Variants in VARS1 observed in about 807,000 individuals in gnomAD.
VARS1 encodes valyl-tRNA synthetase 1.
Under a neutral mutation model 161.0 loss-of-function variants are expected in VARS1, and 92 were observed. The observed-to-expected ratio is 0.57, with a 90% CI of 0.48 to 0.68. The LOEUF is 0.68. VARS1 is among the 30% of genes least tolerant of loss of function. VARS1 has a pLI of 0.00. For synonymous variants in VARS1, 595 were observed against 682.5 expected (o/e 0.87, Z 2.00); for missense variants, 1,338 against 1,695.9 (o/e 0.79, Z 3.71).
At chr6:31,792,633 C>T in intron 4 of VARS1, 117 bp from the exon 5 acceptor site, 1 of 1,590,302 alleles carries the variant, frequency 6.3e-7, no homozygotes, top group Non-Finnish European at 8.6e-7. Flanking sequence ...TGACCTCCCC[C>T]CTCTCCCTCC....
intron 13 of VARS1, among the ~76,000 whole-genome samples, chr6:31,783,751 T>C (rs1330921219): frequency 1.4e-5 from 2 of 148,018 alleles, no homozygotes; most frequent in Non-Finnish European, 3.0e-5. Context: ...AACCTCCGCA[T>C]CCCAGGTTCA....
At position 31,778,301 on chromosome 6, in the gene VARS1, G is replaced by A. The variant is rs1812873821; in HGVS notation, c.3727-639C>T. 1 of 157,636 alleles carries A rather than the reference G, an allele frequency of 6.3e-6. No individual in the cohort carries two copies. Among genetic ancestry groups the A allele is most frequent in the Admixed American group, 6.0e-5 (1 of 16,544 alleles). The allele number at this position is 157,636 out of a possible 1,614,324, so 9.8% of individuals were successfully genotyped here. A position where few individuals can be genotyped will look rare whatever the true frequency, so the allele number is the denominator to read the frequency against. On this transcript the variant is annotated intron_variant, in intron 29 of 29. Transcript: ENST00000375663. The surrounding 1 kb of genome is among the most constrained non-coding windows in gnomAD (Gnocchi z 5.1). Reference sequence around the variant, plus strand: ...AGCTGGGTGGGGTACGAAGGGTCTGGCTGGGAGATAGGATGCCTGGTTCTA... The same window carrying A: ...AGCTGGGTGGGGTACGAAGGGTCTGACTGGGAGATAGGATGCCTGGTTCTA...
In VARS1 at chr6:31,792,968, C is replaced by T. The variant is rs1340865826; in HGVS notation, c.522+18G>A. Reference sequence around the variant, plus strand: ...CTGAGGAGAGCAGTCTTGTTCTTCCCCAGGCCTGGTGACTCACGTATCGGA... The same window carrying T: ...CTGAGGAGAGCAGTCTTGTTCTTCCTCAGGCCTGGTGACTCACGTATCGGA... On this transcript the variant is annotated intron_variant, in intron 3 of 29. Coordinates refer to ENST00000375663, the MANE Select transcript of VARS1 (RefSeq NM_006295.3). 1.9e-6 allele frequency: 3 copies of T among 1,613,870 alleles called. No homozygotes were observed. The highest frequency in any genetic ancestry group is 1.1e-5 in the South Asian group (1 of 91,092).
Position 31,782,309 on chromosome 6 carries a change from C to A in VARS1, c.2126G>T (p.Trp709Leu). Residue 709 changes from tryptophan (W) to leucine (L), a missense_variant, in exon 17 of 30, where the codon TGG (tryptophan) becomes TTG (leucine). Trp to Leu is a moderately conservative substitution (Grantham distance 61). This residue lies in a region of VARS1 where 902 missense variants were observed against 1,090.3 expected (regional missense o/e 0.83). Transcript: ENST00000375663. The surrounding 1 kb of genome is among the most constrained non-coding windows in gnomAD (Gnocchi z 8.3). The part of the protein sequence containing the change: ...RILPEAHQRT[W>L]HAWMDNIREW... ...CCGGATGTTGTCCATCCAGGCATGC[C>A]ATGTGCGCTGATGGGCCTCAGGCAG... 6.2e-7 allele frequency: 1 copy of A among 1,613,022 alleles called. No homozygotes were observed. The highest frequency in any genetic ancestry group is 8.5e-7 in the Non-Finnish European group (1 of 1,179,964).
At chr6:31,786,465 G>A (rs1232741283) in intron 8 of VARS1, among the ~76,000 whole-genome samples, 2 of 151,600 alleles carry the variant, frequency 1.3e-5, no homozygotes, top group Non-Finnish European at 2.9e-5. Flanking sequence ...ACAGGAGTTC[G>A]AGACCAGCCT....
At chr6:31,786,123 G>C (rs1309948950) in intron 8 of VARS1, among the ~76,000 whole-genome samples, 1 of 152,226 alleles carries the variant, frequency 6.6e-6, no homozygotes, top group Non-Finnish European at 1.5e-5. Flanking sequence ...AGCTGGGCGT[G>C]GTGGCATGTG....
At position 31,780,238 on chromosome 6, in the gene VARS1, T is replaced by C. The variant is rs1167715264; in HGVS notation, c.2926-85A>G. The C allele has an allele frequency of 3.2e-6, 5 of 1,577,266 alleles. No homozygotes were observed. Among genetic ancestry groups the C allele is most frequent in the Non-Finnish European group, 4.3e-6 (5 of 1,163,712 alleles). ...GGCAGGAGTCATGGGCAAATCTTCA[T>C]CCAGAGTCTGATGAGTCCAAAGCAA... On this transcript the variant is annotated intron_variant, in intron 25 of 29. Transcript: ENST00000375663. The surrounding 1 kb of genome is among the most constrained non-coding windows in gnomAD (Gnocchi z 5.1).
Position 31,780,532 on chromosome 6 carries a change from C to G in VARS1, c.2834G>C (p.Gly945Ala). The G allele has an allele frequency of 1.2e-6, 2 of 1,613,996 alleles. No homozygotes were observed. Among genetic ancestry groups the G allele is most frequent in the Non-Finnish European group, 1.7e-6 (2 of 1,180,004 alleles). ...DINLDVNRIL[G>A]YRHFCNKLWN... ...GAGCTTGTTGCAGAAGTGGCGGTAA[C>G]CCAGTATCCGGTTCACATCCAGGTT... is the stretch of plus-strand genomic sequence containing the variant. The change falls in exon 25 of 30, where the codon GGT becomes GCT. Residue 945 changes from glycine to alanine, a missense_variant. Physicochemically the swap from Gly to Ala is moderately conservative, Grantham distance 60. Around this residue, in one of 3 missense-constraint regions of VARS1, gnomAD observed 433 missense variants for 586.2 expected, o/e 0.74. Transcript: ENST00000375663. This position sits in a 1 kb window ranked among gnomAD's most constrained non-coding sequence, Gnocchi z 5.1.
In VARS1 at chr6:31,795,052, G is replaced by T. The variant is rs780575596; in HGVS notation, c.166C>A (p.Arg56Ser). ...PTSRTPFPPP[R>S]LPALEQGPGG... ...GGCCCCTGCTCCAGGGCCGGCAGGC[G>T]GGGTGGGGGAAAGGGAGTCCTGCTA... Residue 56 changes from arginine (R) to serine (S), a missense_variant, in exon 2 of 30, where the codon CGC becomes AGC. This residue lies in a region of VARS1 where 902 missense variants were observed against 1,090.3 expected (regional missense o/e 0.83). Transcript: ENST00000375663. The surrounding 1 kb of genome is among the most constrained non-coding windows in gnomAD (Gnocchi z 6.9). The T allele has an allele frequency of 1.6e-5, 25 of 1,545,284 alleles. No homozygotes were observed. Among genetic ancestry groups the T allele is most frequent in the Non-Finnish European group, 2.2e-5 (25 of 1,142,100 alleles).
chr6:31,784,363 AGCCCAGGATCCTGGT>A lies in VARS1; in HGVS notation c.1576+16_1576+30del. On this transcript the variant is annotated intron_variant, in intron 12 of 29. Coordinates refer to ENST00000375663, the MANE Select transcript of VARS1 (RefSeq NM_006295.3). This position sits in a 1 kb window ranked among gnomAD's most constrained non-coding sequence, Gnocchi z 6.1. ...GCCTTGGCCCCTTCCTGCCACTCCC[AGCCCAGGATCCTGGT>A]GCCCCTGGCTCCTACCTGAGCCTTG... The A allele has an allele frequency of 6.2e-7, 1 of 1,614,160 alleles. No homozygotes were observed. The highest frequency in any genetic ancestry group is 8.5e-7 in the Non-Finnish European group (1 of 1,180,024).
Position 31,779,466 on chromosome 6 carries a change from G to A in VARS1, c.3359C>T (p.Ser1120Phe), listed in dbSNP as rs866639021. ...GGTGAGGTTGTAGTCGGCCCGCAGG[G>A]AGCGCACGGCTCGCGTGATGCTTAG... ...LALSITRAVRSLRADYNLTRI... is the reference protein window; with the variant it reads ...LALSITRAVRFLRADYNLTRI... Residue 1120 changes from serine to phenylalanine, a missense_variant, in exon 28 of 30, where the codon TCC becomes TTC. This residue lies in a region of VARS1 where 433 missense variants were observed against 586.2 expected (regional missense o/e 0.74). Transcript: ENST00000375663. This position sits in a 1 kb window ranked among gnomAD's most constrained non-coding sequence, Gnocchi z 9.1. The A allele has an allele frequency of 6.2e-7, 1 of 1,612,626 alleles. No individual in the cohort carries two copies. The highest frequency in any genetic ancestry group is 8.5e-7 in the Non-Finnish European group (1 of 1,180,002).
chr6:31,781,743 G>C lies in VARS1; in HGVS notation c.2366C>G (p.Thr789Ser), dbSNP rs924551525. ...SLQQDEDVLDTWFSSGLFPLS... is the reference protein window; with the variant it reads ...SLQQDEDVLDSWFSSGLFPLS... ...GGGGAAGAGGCCAGAGGAGAACCAG[G>C]TATCCAATACATCCTCATCTGAGAG... Residue 789 changes from threonine (T) to serine (S), a missense_variant, in exon 20 of 30, where the codon ACC becomes AGC. Physicochemically the swap from Thr to Ser is moderately conservative, Grantham distance 58. This residue lies in a region of VARS1 where 902 missense variants were observed against 1,090.3 expected (regional missense o/e 0.83). Transcript: ENST00000375663. The surrounding 1 kb of genome is among the most constrained non-coding windows in gnomAD (Gnocchi z 6.8). 1 of 1,612,924 alleles carries C rather than the reference G, an allele frequency of 6.2e-7. No individual in the cohort carries two copies. The highest frequency in any genetic ancestry group is 8.5e-7 in the Non-Finnish European group (1 of 1,180,026).
chr6:31,785,743 G>C lies in VARS1; in HGVS notation c.1101-10C>G, dbSNP rs1348663755. The C allele has an allele frequency of 1.2e-6, 2 of 1,604,614 alleles. No homozygotes were observed. The highest frequency in any genetic ancestry group is 1.7e-5 in the Admixed American group (1 of 58,914). On this transcript the variant is annotated splice_polypyrimidine_tract_variant and intron_variant, in intron 8 of 29. Transcript: ENST00000375663. This position sits in a 1 kb window ranked among gnomAD's most constrained non-coding sequence, Gnocchi z 6.1. ...CCCACGCATGCGGTGCCTGTTAGGG[G>C]GCATGGAGGACCAGAGGGTGAGCCA...
rs1238886439 is a variant in VARS1, at chr6:31,780,207, C to T, written c.2926-54G>A. 1.1e-5 allele frequency: 17 copies of T among 1,604,224 alleles called. No homozygotes were observed. The highest frequency in any genetic ancestry group is 1.4e-5 in the Non-Finnish European group (16 of 1,177,620). On this transcript the variant is annotated intron_variant, in intron 25 of 29. Transcript: ENST00000375663. This position sits in a 1 kb window ranked among gnomAD's most constrained non-coding sequence, Gnocchi z 5.1. The stretch of plus-strand genomic sequence containing the variant: ...GGGCCAGGGGAGGGTGCCAGAACCC[C>T]ATGGGGGCAGGAGTCATGGGCAAAT...
chr6:31,785,467 A>C lies in VARS1; in HGVS notation c.1265+102T>G. ...AGCCAACTGACTCTGCCTCTGTGGG[A>C]GGGTCTGACCCTGTGGCCAAGGGGT... On this transcript the variant is annotated intron_variant, in intron 9 of 29. Coordinates refer to ENST00000375663, the MANE Select transcript of VARS1 (RefSeq NM_006295.3). The surrounding 1 kb of genome is among the most constrained non-coding windows in gnomAD (Gnocchi z 6.1). The C allele has an allele frequency of 6.6e-7, 1 of 1,523,798 alleles. No homozygotes were observed. The highest frequency in any genetic ancestry group is 2.4e-5 in the East Asian group (1 of 41,674). 94.4% of individuals were successfully genotyped at this position (1,523,798 alleles called of 1,614,324 possible).
chr6:31,779,851 T>TCTAG lies in VARS1; in HGVS notation c.3082-41_3082-38dup. On this transcript the variant is annotated intron_variant, in intron 26 of 29. Transcript: ENST00000375663. The surrounding 1 kb of genome is among the most constrained non-coding windows in gnomAD (Gnocchi z 9.1). ...GAGGTACAGGGCTCACGGCTGGAGGTCTAGCCTTGAGCCCTCGCTGTGCCT... is the reference window on the plus strand; with the variant it reads ...GAGGTACAGGGCTCACGGCTGGAGGTCTAGCTAGCCTTGAGCCCTCGCTGTGCCT... The TCTAG allele has an allele frequency of 6.2e-7, 1 of 1,609,972 alleles. No homozygotes were observed. Among genetic ancestry groups the TCTAG allele is most frequent in the South Asian group, 1.1e-5 (1 of 90,934 alleles).
In VARS1 at chr6:31,785,381, C is replaced by G; in HGVS notation, c.1266-54G>C. The G allele has an allele frequency of 6.2e-7, 1 of 1,607,296 alleles. No homozygotes were observed. The highest frequency in any genetic ancestry group is 1.7e-5 in the Admixed American group (1 of 59,700). On this transcript the variant is annotated intron_variant, in intron 9 of 29. Transcript: ENST00000375663. The surrounding 1 kb of genome is among the most constrained non-coding windows in gnomAD (Gnocchi z 6.1). ...TCGTGCCTGGGCTAGAGGGAGACAT[C>G]AGGTGGCTGACTGGGCAGTGTGGAG...
At chr6:31,792,118 T>C in intron 6 of VARS1, 99 bp downstream of exon 6, 2 of 1,510,266 alleles carry the variant, frequency 1.3e-6, no homozygotes, top group African/African-American at 2.8e-5. Context: ...GGGTCTGCAA[T>C]TCCTCACCAA....
intron 2 of VARS1, among the ~76,000 whole-genome samples, chr6:31,793,904 A>G (rs1435854350): frequency 6.6e-6 from 1 of 151,988 alleles, no homozygotes; most frequent in Non-Finnish European, 1.5e-5. Context: ...GGAGTTCGAG[A>G]CCAGCCTGGT....
Sources: gnomAD v4.1 joint callset for allele counts (sites outside exome capture counted in the v4.1 genomes callset) on GRCh38, gnomAD v4.1.1 for gene constraint, gnomAD v4.1.1 regional missense constraint, Gnocchi (gnomAD v3.1) non-coding constraint, MANE v1.5 for transcripts, NCBI Gene and HGNC (gene_info 2026-07-23, HGNC 2026-07-21) for gene names.